The following DOP1B variants were observed in gnomAD, a reference collection of about 807,000 sequenced individuals.
The protein encoded by DOP1B is DOP1 leucine zipper like protein B.
Under a neutral mutation model 233.5 loss-of-function variants are expected in DOP1B, and 174 were observed. The ratio of observed to expected loss-of-function variants is 0.75; its 90% CI spans 0.66 to 0.85. The LOEUF is 0.85. Among genes scored for constraint, DOP1B ranks in the 40% least tolerant of loss-of-function variants. The pLI is 0.00. For synonymous variants in DOP1B, 1,190 were observed against 1,185.6 expected (o/e 1.00, Z -0.08); for missense variants, 2,652 against 2,846.6 (o/e 0.93, Z 1.56).
At chr21:36,193,909 G>T (rs2066260688) in intron 2 of DOP1B, among the ~76,000 whole-genome samples, 1 of 152,170 alleles carries the variant, frequency 6.6e-6, no homozygotes, top group African/African-American at 2.4e-5. Context: ...GAGGTCATGT[G>T]TGTGGATTAC....
At chr21:36,228,267 A>G (rs2066716168) in intron 13 of DOP1B, among the ~76,000 whole-genome samples, 1 of 151,992 alleles carries the variant, frequency 6.6e-6, no homozygotes, top group African/African-American at 2.4e-5. Context: ...ATTCAAGACC[A>G]GCCCAACCAA....
intron 9 of DOP1B, among the ~76,000 whole-genome samples, chr21:36,217,451 G>T (rs546765863): frequency 6.6e-6 from 1 of 152,312 alleles, no homozygotes; most frequent in South Asian, 2.1e-4. Flanking sequence ...ACTAAGGTTG[G>T]GTGGGAGTAG....
chr21:36,160,275 A>C (rs2065857720), intron 1 of DOP1B, among the ~76,000 whole-genome samples: 1 of 152,074 alleles, frequency 6.6e-6, no homozygotes, highest in Non-Finnish European at 1.5e-5. Flanking sequence ...ATTTCAGAAA[A>C]AGGGACAGGC....
intron 10 of DOP1B, among the ~76,000 whole-genome samples, chr21:36,222,257 T>C (rs2066633627): frequency 6.6e-6 from 1 of 152,052 alleles, no homozygotes; most frequent in Non-Finnish European, 1.5e-5. Context: ...AGGATAAATT[T>C]CTTGAATAAA....
chr21:36,189,349 A>G (rs1006648425), intron 2 of DOP1B, among the ~76,000 whole-genome samples: 1 of 152,254 alleles, frequency 6.6e-6, no homozygotes, highest in Non-Finnish European at 1.5e-5. Context: ...GAATGCTTTT[A>G]GAACAGTGTA....
chr21:36,261,509 G>C, intron 24 of DOP1B: 1 of 985,492 alleles, frequency 1.0e-6, no homozygotes, highest in Non-Finnish European at 1.2e-6. Context: ...AGCATTAAAG[G>C]GGATTCCGCA....
chr21:36,258,436 G>C (rs926362358), intron 23 of DOP1B, among the ~76,000 whole-genome samples: 3 of 150,874 alleles, frequency 2.0e-5, no homozygotes, highest in African/African-American at 7.3e-5. Flanking sequence ...TTTCACATCA[G>C]ACAATGTGCC....
intron 1 of DOP1B, among the ~76,000 whole-genome samples, chr21:36,158,782 A>G (rs1232419780): frequency 7.0e-6 from 1 of 143,846 alleles, no homozygotes; most frequent in Non-Finnish European, 1.5e-5. Flanking sequence ...CAGCATGGCG[A>G]CAGAGCGAGA....
chr21:36,208,709 CA>C lies in DOP1B; in HGVS notation c.492-4del. 6.2e-7 allele frequency: 1 copy of C among 1,612,234 alleles called. No homozygotes were observed. Among genetic ancestry groups the C allele is most frequent in the Non-Finnish European group, 8.5e-7 (1 of 1,179,196 alleles). On this transcript the variant is annotated splice_region_variant and splice_polypyrimidine_tract_variant and intron_variant, in intron 4 of 36. Coordinates refer to ENST00000691173, the MANE Select transcript of DOP1B (RefSeq NM_001320714.2). ...GCCCTTGAACCCTATCCTCTCTCAT[CA>C]ACAGAACGGATGCTCTGCTCCTGAG...
chr21:36,277,293 T>C (rs964848706), intron 28 of DOP1B, among the ~76,000 whole-genome samples, 193 bp downstream of exon 28: 8 of 151,480 alleles, frequency 5.3e-5, no homozygotes, highest in African/African-American at 1.9e-4. Context: ...GGACTGCACT[T>C]TTTTTTTTGA....
At chr21:36,254,231 G>A (rs1055556532) in intron 23 of DOP1B, among the ~76,000 whole-genome samples, 1 of 152,116 alleles carries the variant, frequency 6.6e-6, no homozygotes, top group Admixed American at 6.6e-5. Context: ...AGAGGAAATG[G>A]CACCTGCCTC....
intron 2 of DOP1B, among the ~76,000 whole-genome samples, chr21:36,181,196 A>T (rs973411383): frequency 6.6e-6 from 1 of 152,146 alleles, no homozygotes; most frequent in Non-Finnish European, 1.5e-5. Context: ...ATCCTCACTC[A>T]TGTATCAGTT....
chr21:36,156,858 G>C lies in DOP1B; in HGVS notation c.-112G>C, dbSNP rs929901233. ...GGCGGTTCTGGCTCCCGGCCGCGCCGCAGCCCTGCCCAGTCTCTCTCCCCC... is the reference window on the plus strand; with the variant it reads ...GGCGGTTCTGGCTCCCGGCCGCGCCCCAGCCCTGCCCAGTCTCTCTCCCCC... On this transcript the variant is annotated 5_prime_UTR_variant, in exon 1 of 37. Coordinates refer to ENST00000691173, the MANE Select transcript of DOP1B (RefSeq NM_001320714.2). The C allele has an allele frequency of 7.2e-5, 11 of 152,572 alleles. No homozygotes were observed. Among genetic ancestry groups the C allele is most frequent in the Non-Finnish European group, 1.3e-4 (9 of 68,216 alleles). The allele number at this position is 152,572 out of a possible 1,614,324, so 9.5% of individuals were successfully genotyped here. A position where few individuals can be genotyped will look rare whatever the true frequency, so the allele number is the denominator to read the frequency against.
At chr21:36,193,592 A>G (rs1026424877) in intron 2 of DOP1B, among the ~76,000 whole-genome samples, 2 of 152,022 alleles carry the variant, frequency 1.3e-5, no homozygotes, top group African/African-American at 4.8e-5. Flanking sequence ...TCAGTTTCCC[A>G]GGTACCATAT....
At chr21:36,211,915 A>G in intron 6 of DOP1B, 59 bp from the exon 7 acceptor site, 1 of 1,612,256 alleles carries the variant, frequency 6.2e-7, no homozygotes, top group Middle Eastern at 1.7e-4. Context: ...CTGCGTGTCA[A>G]AAAGTCAGCA....
chr21:36,200,140 C>T (rs1289964561), intron 3 of DOP1B, among the ~76,000 whole-genome samples, 191 bp from the exon 4 acceptor site: 2 of 151,922 alleles, frequency 1.3e-5, no homozygotes, highest in Non-Finnish European at 2.9e-5. Flanking sequence ...TCTGAACGTG[C>T]GGACAGCTTC....
chr21:36,264,853 TG>T (rs1423217613), intron 26 of DOP1B, among the ~76,000 whole-genome samples: 3 of 152,168 alleles, frequency 2.0e-5, no homozygotes, highest in Admixed American at 2.0e-4. Flanking sequence ...TGTTTAATAC[TG>T]AAAAATAAAA....
At chr21:36,183,304 C>A (rs1601390086) in intron 2 of DOP1B, among the ~76,000 whole-genome samples, 3 of 149,550 alleles carry the variant, frequency 2.0e-5, no homozygotes, top group Admixed American at 2.0e-4. Context: ...TGCCAAATGT[C>A]CCCTGGGGGC....
At chr21:36,224,765 T>G (rs2066662753) in intron 11 of DOP1B, among the ~76,000 whole-genome samples, 1 of 151,172 alleles carries the variant, frequency 6.6e-6, no homozygotes, top group Admixed American at 6.6e-5. Context: ...CAGTATAAGA[T>G]AAGCAACTAA....
Sources: gnomAD v4.1 joint callset for allele counts (sites outside exome capture counted in the v4.1 genomes callset) on GRCh38, gnomAD v4.1.1 for gene constraint, MANE v1.5 for transcripts, NCBI Gene and HGNC (gene_info 2026-07-23, HGNC 2026-07-21) for gene names.